Variants in LRP1B observed in about 807,000 individuals in gnomAD.
LRP1B encodes the protein low-density lipoprotein receptor-related protein 1B.
LRP1B carries 217 observed loss-of-function variants against 556.6 expected under a neutral mutation model. The ratio of observed to expected loss-of-function variants is 0.39; its 90% CI spans 0.35 to 0.44. LRP1B has a LOEUF of 0.44. LRP1B is among the 20% of genes least tolerant of loss of function. The pLI, the probability that LRP1B is intolerant of heterozygous loss-of-function variation, is 1.00. For synonymous variants in LRP1B, 2,047 were observed against 1,865.8 expected, an observed-to-expected ratio of 1.10 and a Z score of -2.50; for missense variants, 5,053 against 5,620.8, an observed-to-expected ratio of 0.90 and a Z score of 3.23.
chr2:140,757,242 G>A (rs944968633), intron 35 of LRP1B, among the ~76,000 whole-genome samples: 8 of 152,090 alleles, frequency 5.3e-5, no homozygotes, highest in Non-Finnish European at 8.8e-5. Context: ...ACAATCTGGC[G>A]GTTCTTCCAA....
At chr2:140,271,209 T>C (rs752868461) in intron 85 of LRP1B, among the ~76,000 whole-genome samples, 8 of 151,930 alleles carry the variant, frequency 5.3e-5, no homozygotes, top group Non-Finnish European at 8.8e-5. Flanking sequence ...GAAATGTGCA[T>C]CAACATTTCA....
intron 2 of LRP1B, among the ~76,000 whole-genome samples, chr2:141,651,314 A>T (rs1413073572): frequency 6.6e-6 from 1 of 152,198 alleles, no homozygotes; most frequent in Non-Finnish European, 1.5e-5. Flanking sequence ...AAATAACAGA[A>T]CACTTAGTTA....
At chr2:140,271,683 A>G (rs1278980316) in intron 85 of LRP1B, among the ~76,000 whole-genome samples, 1 of 151,956 alleles carries the variant, frequency 6.6e-6, no homozygotes, top group Non-Finnish European at 1.5e-5. Flanking sequence ...GATGTGAAAT[A>G]AAGATACAGG....
At chr2:140,464,493 G>T (rs1418003766) in intron 60 of LRP1B, among the ~76,000 whole-genome samples, 1 of 152,118 alleles carries the variant, frequency 6.6e-6, no homozygotes, top group African/African-American at 2.4e-5. Flanking sequence ...TCCTGTTAAT[G>T]AATGTGAAGT....
chr2:141,874,948 G>T (rs1698707481), intron 1 of LRP1B, among the ~76,000 whole-genome samples: 1 of 151,726 alleles, frequency 6.6e-6, no homozygotes, highest in East Asian at 1.9e-4. Flanking sequence ...CCCCTGTGTA[G>T]ATTTTATAAG....
intron 3 of LRP1B, among the ~76,000 whole-genome samples, chr2:141,474,655 T>A (rs1408158357): frequency 6.6e-6 from 1 of 152,158 alleles, no homozygotes; most frequent in Non-Finnish European, 1.5e-5. Flanking sequence ...TGCATTATTT[T>A]AAGGAGTTGG....
intron 65 of LRP1B, among the ~76,000 whole-genome samples, chr2:140,443,064 G>A (rs1255262560): frequency 1.3e-5 from 2 of 152,094 alleles, no homozygotes; most frequent in Non-Finnish European, 2.9e-5. Context: ...TAGGAATTGT[G>A]TTGAGTTTTA....
intron 6 of LRP1B, among the ~76,000 whole-genome samples, chr2:141,217,800 C>T (rs892180201): frequency 2.0e-5 from 3 of 152,076 alleles, no homozygotes; most frequent in Admixed American, 6.6e-5. Flanking sequence ...AGACAACTTA[C>T]AGAGTGGGAG....
chr2:140,483,260 T>A (rs1456751109), intron 59 of LRP1B, among the ~76,000 whole-genome samples: 1 of 152,104 alleles, frequency 6.6e-6, no homozygotes, highest in Non-Finnish European at 1.5e-5. Context: ...TTTTGTACTG[T>A]GCTATTTTAA....
intron 3 of LRP1B, among the ~76,000 whole-genome samples, chr2:141,258,600 G>A (rs1003056084): frequency 6.6e-6 from 1 of 152,294 alleles, no homozygotes; most frequent in Middle Eastern, 3.4e-3. Flanking sequence ...ACCTTGATAT[G>A]ATTTGGCTCT....
At position 141,099,536 on chromosome 2, in the gene LRP1B, C is replaced by T. The variant is rs76442915; in HGVS notation, c.1014-37263G>A. ...GCCAAAGCATGTATGAGTGCATACA[C>T]ACACAAATGTGCACACGTGTGTTTG... On this transcript the variant is annotated intron_variant, in intron 7 of 90. Transcript: ENST00000389484. 8.1e-3 allele frequency among the ~76,000 whole-genome samples: 1,236 copies of T among 152,318 alleles called. 18 individuals are homozygous for T. Among genetic ancestry groups the T allele is most frequent in the African/African-American group, 0.029 (1,187 of 41,576 alleles).
chr2:141,785,537 T>C (rs946329254), intron 2 of LRP1B, among the ~76,000 whole-genome samples: 25 of 151,754 alleles, frequency 1.6e-4, no homozygotes, highest in African/African-American at 6.0e-4. Context: ...GTATAAGAGA[T>C]GTGAAAGGAC....
intron 11 of LRP1B, among the ~76,000 whole-genome samples, chr2:141,024,992 A>G (rs1218939822): frequency 6.6e-6 from 1 of 152,092 alleles, no homozygotes; most frequent in East Asian, 1.9e-4. Flanking sequence ...ATCTTTGAAA[A>G]GATACTTCTG....
intron 3 of LRP1B, among the ~76,000 whole-genome samples, chr2:141,315,743 C>T (rs1001001124): frequency 6.6e-6 from 1 of 151,874 alleles, no homozygotes; most frequent in African/African-American, 2.4e-5. Flanking sequence ...GCTGAGTTCA[C>T]TGGCCTGATA....
intron 3 of LRP1B, among the ~76,000 whole-genome samples, chr2:141,300,337 G>A (rs539202433): frequency 3.9e-5 from 6 of 152,186 alleles, no homozygotes; most frequent in South Asian, 2.1e-4. Flanking sequence ...TTTAACCCTC[G>A]ATTCATAGTC....
At chr2:140,779,054 TA>T (rs2104957536) in intron 32 of LRP1B, among the ~76,000 whole-genome samples, 1 of 150,034 alleles carries the variant, frequency 6.7e-6, no homozygotes, top group South Asian at 2.1e-4. Flanking sequence ...AACCCACATC[TA>T]AAAAACTCTT....
intron 23 of LRP1B, among the ~76,000 whole-genome samples, chr2:140,896,027 G>A (rs924630874): frequency 6.6e-6 from 1 of 152,062 alleles, no homozygotes; most frequent in African/African-American, 2.4e-5. Context: ...TTTGGGCCAC[G>A]GGTCCAAGCT....
At chr2:142,032,930 C>T (rs1444403062) in intron 1 of LRP1B, among the ~76,000 whole-genome samples, 2 of 151,844 alleles carry the variant, frequency 1.3e-5, no homozygotes, top group East Asian at 1.9e-4. Flanking sequence ...GTGAATCTAT[C>T]ATTCTCCTTC....
intron 29 of LRP1B, among the ~76,000 whole-genome samples, 190 bp from the exon 30 acceptor site, chr2:140,841,282 T>C (rs1692097177): frequency 6.6e-6 from 1 of 152,202 alleles, no homozygotes; most frequent in Non-Finnish European, 1.5e-5. Context: ...AATGTCTTAC[T>C]GCTGAGCTAT....
Sources: gnomAD v4.1 joint callset for allele counts (sites outside exome capture counted in the v4.1 genomes callset) on GRCh38, gnomAD v4.1.1 for gene constraint, MANE v1.5 for transcripts, NCBI Gene and HGNC (gene_info 2026-07-23, HGNC 2026-07-21) for gene names.